The following MALRD1 variants were observed in gnomAD, a reference collection of about 807,000 sequenced individuals.
MALRD1 encodes the protein MAM and LDL receptor class A domain containing 1.
In MALRD1, 247 loss-of-function variants were observed where a neutral mutation model predicts 242.1. That is an observed-to-expected ratio of 1.02 (90% confidence interval 0.92 to 1.13). The LOEUF (loss-of-function observed/expected upper bound fraction) is 1.13. MALRD1 is among the 50% of genes most tolerant of loss of function. The probability of loss-of-function intolerance (pLI) is 0.00; values close to 1 mark genes in which losing one functional copy is unlikely to be tolerated. For synonymous variants in MALRD1, 995 were observed against 866.6 expected (o/e 1.15, Z -2.60); for missense variants, 2,989 against 2,533.1 (o/e 1.18, Z -3.86).
intron 32 of MALRD1, among the ~76,000 whole-genome samples, chr10:19,534,951 T>C (rs1266736488): frequency 1.3e-5 from 2 of 152,280 alleles, no homozygotes; most frequent in African/African-American, 4.8e-5. Context: ...AGTGGCGCGA[T>C]CTTGGCTCGC....
chr10:19,391,485 A>G (rs1174737704), intron 28 of MALRD1, among the ~76,000 whole-genome samples: 4 of 152,202 alleles, frequency 2.6e-5, no homozygotes, highest in Non-Finnish European at 5.9e-5. Context: ...GGTAAGCCCA[A>G]TAAAGGCAAG....
chr10:19,622,142 A>G (rs2131625761), intron 36 of MALRD1, among the ~76,000 whole-genome samples: 1 of 151,500 alleles, frequency 6.6e-6, no homozygotes, highest in Non-Finnish European at 1.5e-5. Context: ...CTGATATTTC[A>G]TATTGTACTG....
At chr10:19,428,110 T>G (rs372443844) in intron 28 of MALRD1, among the ~76,000 whole-genome samples, 1 of 151,932 alleles carries the variant, frequency 6.6e-6, no homozygotes, top group South Asian at 2.1e-4. Context: ...CCAGCGTCAC[T>G]TTCCTCTGCT....
chr10:19,622,962 G>A (rs12261476), intron 36 of MALRD1, among the ~76,000 whole-genome samples: 17,187 of 151,900 alleles, frequency 0.11, 2,543 homozygotes, highest in African/African-American at 0.34. Context: ...ATTTGGAAAA[G>A]GGTAAAATTA....
At chr10:19,373,416 G>A (rs1201837242) in intron 26 of MALRD1, among the ~76,000 whole-genome samples, 2 of 152,042 alleles carry the variant, frequency 1.3e-5, no homozygotes, top group Non-Finnish European at 2.9e-5. Context: ...CTACTCTGGA[G>A]GCTGAGGCAG....
Position 19,327,651 on chromosome 10 carries a change from T to C in MALRD1, c.3665T>C (p.Leu1222Ser), listed in dbSNP as rs1476654366. The change falls in exon 23 of 40, where the codon TTA becomes TCA. Residue 1222 changes from leucine (L) to serine (S), a missense_variant. Transcript: ENST00000454679. Reference protein sequence around the residue: ...GAQWKRAEVFLGIRSHTQIVF... With the variant: ...GAQWKRAEVFSGIRSHTQIVF... ...CAGTGGAAGAGAGCAGAAGTGTTTT[T>C]AGGCATTCGTTCACATACACAGGTG... 7 of 1,549,558 alleles carry C rather than the reference T, an allele frequency of 4.5e-6. No homozygotes were observed. The South Asian group carries it at 7.1e-5, about 16-fold the overall frequency.
chr10:19,710,568 T>C (rs921520448), intron 38 of MALRD1: 5 of 152,212 alleles, frequency 3.3e-5, no homozygotes, highest in African/African-American at 1.2e-4. Context: ...TATTACTAAG[T>C]ATCCCAGGTT....
At chr10:19,436,314 A>G (rs7898590) in intron 28 of MALRD1, among the ~76,000 whole-genome samples, 8,896 of 152,218 alleles carry the variant, frequency 0.058, 832 homozygotes, top group African/African-American at 0.2. Context: ...ATATTTGTAT[A>G]TGCAATCATC....
intron 14 of MALRD1, among the ~76,000 whole-genome samples, chr10:19,193,241 C>T (rs1173303690): frequency 6.6e-6 from 1 of 152,100 alleles, no homozygotes; most frequent in Admixed American, 6.6e-5. Flanking sequence ...CAACATCAGG[C>T]ATACATAGTC....
At chr10:19,579,798 T>C (rs916099071) in intron 33 of MALRD1, among the ~76,000 whole-genome samples, 35 of 152,192 alleles carry the variant, frequency 2.3e-4, no homozygotes, top group Non-Finnish European at 4.4e-4. Context: ...TTGGGAAATG[T>C]GTGCTGGAAG....
At chr10:19,218,402 G>C (rs1433100042) in intron 18 of MALRD1, among the ~76,000 whole-genome samples, 1 of 151,982 alleles carries the variant, frequency 6.6e-6, no homozygotes, top group Admixed American at 6.6e-5. Context: ...AATCTTCTTT[G>C]AAAATACGAA....
rs533727054 is a variant in MALRD1 at position 19,419,089 on chromosome 10, G to A, written c.4845+29480G>A. 3.9e-5 allele frequency among the ~76,000 whole-genome samples: 6 copies of A among 152,070 alleles called. No individual in the cohort carries two copies. In the South Asian group the frequency reaches 1.2e-3, roughly 32 times the overall value. On this transcript the variant is annotated intron_variant, in intron 28 of 39. Coordinates refer to ENST00000454679, the MANE Select transcript of MALRD1 (RefSeq NM_001142308.3). ...TATGCACACCCTTCTCCAGCTAACCGCCTTCCTTTCCACATCTCCATCCTT... is the reference window on the plus strand; with the variant it reads ...TATGCACACCCTTCTCCAGCTAACCACCTTCCTTTCCACATCTCCATCCTT...
intron 14 of MALRD1, among the ~76,000 whole-genome samples, chr10:19,195,222 T>G (rs1365568811): frequency 6.6e-6 from 1 of 152,224 alleles, no homozygotes; most frequent in African/African-American, 2.4e-5. Context: ...TGGGGATTAC[T>G]AAAAGCAATA....
intron 11 of MALRD1, among the ~76,000 whole-genome samples, chr10:19,152,478 T>G (rs1184225549): frequency 6.6e-6 from 1 of 151,870 alleles, no homozygotes; most frequent in African/African-American, 2.4e-5. Flanking sequence ...TGTTATCTCT[T>G]TTCATCTAAC....
chr10:19,148,780 A>ATATATAT (rs1554797928), intron 11 of MALRD1, among the ~76,000 whole-genome samples: 2 of 72,126 alleles, frequency 2.8e-5, no homozygotes, highest in African/African-American at 1.0e-4. Flanking sequence ...AATTAAAAAA[A>ATATATAT]AAAAAAAAAT....
chr10:19,345,902 A>G (rs192890335), intron 24 of MALRD1, among the ~76,000 whole-genome samples: 153 of 152,196 alleles, frequency 1.0e-3, no homozygotes, highest in African/African-American at 3.5e-3. Flanking sequence ...CCCAAATGAC[A>G]TAGAAACGAT....
chr10:19,614,672 A>T (rs914429405), intron 35 of MALRD1, among the ~76,000 whole-genome samples: 2 of 152,044 alleles, frequency 1.3e-5, no homozygotes, highest in Non-Finnish European at 1.5e-5. Flanking sequence ...TAGTTACTCT[A>T]TGAAGATATT....
chr10:19,277,567 C>G (rs1270262039), intron 19 of MALRD1, among the ~76,000 whole-genome samples: 1 of 152,116 alleles, frequency 6.6e-6, no homozygotes, highest in Non-Finnish European at 1.5e-5. Context: ...AATATGAAAT[C>G]TGGTCAACTC....
At chr10:19,602,723 G>T (rs1838419172) in intron 34 of MALRD1, among the ~76,000 whole-genome samples, 2 of 152,218 alleles carry the variant, frequency 1.3e-5, no homozygotes, top group Admixed American at 1.3e-4. Context: ...TAATGGGATG[G>T]CTGGGTCAAA....
Sources: allele counts gnomAD v4.1 joint callset (sites outside exome capture counted in the v4.1 genomes callset), GRCh38; gene constraint gnomAD v4.1.1; transcripts MANE v1.5; gene names NCBI Gene and HGNC (gene_info 2026-07-23, HGNC 2026-07-21).